Variants in PPP3CA observed in about 807,000 individuals in gnomAD.
PPP3CA encodes CAM-PRP catalytic subunit.
In PPP3CA, 14 loss-of-function variants were observed where a neutral mutation model predicts 66.5. The observed-to-expected ratio is 0.21, with a 90% CI of 0.14 to 0.33. The LOEUF is 0.33. Among genes scored for constraint, PPP3CA ranks in the 10% least tolerant of loss-of-function variants. PPP3CA has a pLI of 1.00. For synonymous variants in PPP3CA, 232 were observed against 226.2 expected, an observed-to-expected ratio of 1.03 and a Z score of -0.23; for missense variants, 317 against 639.5, an observed-to-expected ratio of 0.50 and a Z score of 5.44.
At chr4:101,172,709 C>A (rs1287673506) in intron 2 of PPP3CA, among the ~76,000 whole-genome samples, 1 of 152,074 alleles carries the variant, frequency 6.6e-6, no homozygotes, top group East Asian at 1.9e-4. Context: ...CAGAGGGAAG[C>A]TGAATCTAGT....
intron 3 of PPP3CA, among the ~76,000 whole-genome samples, chr4:101,106,428 A>AG (rs1235456958): frequency 3.0e-4 from 4 of 13,212 alleles, no homozygotes; most frequent in Admixed American, 1.1e-3. Context: ...AAAGAAAGAA[A>AG]GAAAGAAAGA....
chr4:101,278,132 A>AAAAAT (rs1553937782), intron 1 of PPP3CA, among the ~76,000 whole-genome samples: 3 of 143,440 alleles, frequency 2.1e-5, no homozygotes, highest in African/African-American at 8.9e-5. Flanking sequence ...TAAAAAAAAA[A>AAAAAT]AAAAAAATAA....
intron 1 of PPP3CA, among the ~76,000 whole-genome samples, chr4:101,260,048 C>A (rs1039782836): frequency 2.6e-5 from 4 of 152,106 alleles, no homozygotes; most frequent in Non-Finnish European, 5.9e-5. Context: ...AGCAAGGTGA[C>A]CAGTTTAGAA....
chr4:101,279,671 T>G (rs1320739563), intron 1 of PPP3CA, among the ~76,000 whole-genome samples: 1 of 152,178 alleles, frequency 6.6e-6, no homozygotes, highest in African/African-American at 2.4e-5. Flanking sequence ...GCTGAGCCAA[T>G]GACATCACCA....
chr4:101,260,980 C>T (rs1042423977), intron 1 of PPP3CA, among the ~76,000 whole-genome samples: 1 of 152,058 alleles, frequency 6.6e-6, no homozygotes, highest in African/African-American at 2.4e-5. Flanking sequence ...ATCATTTTCA[C>T]AGAGAAAGCA....
intron 1 of PPP3CA, among the ~76,000 whole-genome samples, chr4:101,308,253 T>G (rs1728608092): frequency 6.6e-6 from 1 of 152,204 alleles, no homozygotes; most frequent in African/African-American, 2.4e-5. Flanking sequence ...TACAATGGAA[T>G]TTTAAAAAAT....
chr4:101,173,160 G>T (rs1723939454), intron 2 of PPP3CA, among the ~76,000 whole-genome samples: 1 of 152,136 alleles, frequency 6.6e-6, no homozygotes. Flanking sequence ...ACTGACAGTG[G>T]CTTTTAGGGA....
intron 2 of PPP3CA, among the ~76,000 whole-genome samples, chr4:101,153,584 G>A (rs1206624725): frequency 6.6e-6 from 1 of 152,298 alleles, no homozygotes; most frequent in African/African-American, 2.4e-5. Flanking sequence ...AACAAAGAGG[G>A]TGTCAAAATA....
chr4:101,264,552 G>A (rs913785942), intron 1 of PPP3CA, among the ~76,000 whole-genome samples: 5 of 152,170 alleles, frequency 3.3e-5, no homozygotes, highest in African/African-American at 1.2e-4. Flanking sequence ...AGACCAGCAA[G>A]CAATTACTAT....
intron 1 of PPP3CA, among the ~76,000 whole-genome samples, chr4:101,236,543 C>T (rs1726137365): frequency 1.3e-5 from 2 of 151,926 alleles, no homozygotes; most frequent in African/African-American, 4.8e-5. Context: ...TCTCTCTATG[C>T]TGTGTGGACA....
intron 6 of PPP3CA, among the ~76,000 whole-genome samples, chr4:101,092,899 T>C (rs975551282): frequency 1.3e-5 from 2 of 152,148 alleles, no homozygotes; most frequent in Non-Finnish European, 2.9e-5. Flanking sequence ...CTATTGTAAA[T>C]AGTGCTGCAA....
At chr4:101,112,117 G>A (rs1721693653) in intron 2 of PPP3CA, among the ~76,000 whole-genome samples, 1 of 151,962 alleles carries the variant, frequency 6.6e-6, no homozygotes, top group Non-Finnish European at 1.5e-5. Flanking sequence ...AATTTAGGTT[G>A]TAAACTGCGG....
Position 101,135,483 on chromosome 4 carries a change from C to T in PPP3CA, c.260-26405G>A, listed in dbSNP as rs56891055. Reference sequence around the variant, plus strand: ...TTGAAACACTGTTTTATAAGAAAAACGGAGGCTACCTGGTCTAAAAAACAG... The same window carrying T: ...TTGAAACACTGTTTTATAAGAAAAATGGAGGCTACCTGGTCTAAAAAACAG... On this transcript the variant is annotated intron_variant, in intron 2 of 13. Transcript: ENST00000394854. 4.4e-3 allele frequency among the ~76,000 whole-genome samples: 676 copies of T among 152,196 alleles called. 9 individuals are homozygous for T. The highest frequency in any genetic ancestry group is 0.016 in the African/African-American group (658 of 41,536).
At chr4:101,243,628 C>A (rs1045711510) in intron 1 of PPP3CA, among the ~76,000 whole-genome samples, 1 of 152,038 alleles carries the variant, frequency 6.6e-6, no homozygotes. Flanking sequence ...ACAAGGATAT[C>A]CACAGGTTAC....
chr4:101,033,106 ATTG>A (rs1247050284), intron 11 of PPP3CA, among the ~76,000 whole-genome samples: 1 of 152,152 alleles, frequency 6.6e-6, no homozygotes, highest in Admixed American at 6.5e-5. Context: ...ATCATTTTGA[ATTG>A]TTAAATCCTC....
Position 101,029,188 on chromosome 4 carries a change from A to G in PPP3CA, c.1347T>C (p.Val449=). The change falls in exon 13 of 14, where the codon GTT becomes GTC. Residue 449 remains valine, a synonymous_variant. Coordinates refer to ENST00000394854, the MANE Select transcript of PPP3CA (RefSeq NM_000944.5). ...TACCTTCATCAGCCTCAATAGCCTCAACAGTAGCTGAAGAGAAGAAAGGGG... is the reference window on the plus strand; with the variant it reads ...TACCTTCATCAGCCTCAATAGCCTCGACAGTAGCTGAAGAGAAGAAAGGGG... ...GGKQTLQSAT[V]EAIEADEAIK... 6.2e-7 allele frequency: 1 copy of G among 1,608,524 alleles called. No individual in the cohort carries two copies. Among genetic ancestry groups the G allele is most frequent in the Non-Finnish European group, 8.5e-7 (1 of 1,175,176 alleles).
intron 2 of PPP3CA, among the ~76,000 whole-genome samples, chr4:101,157,625 AAGG>A (rs1723365141): frequency 1.3e-5 from 2 of 152,148 alleles, no homozygotes; most frequent in South Asian, 4.1e-4. Flanking sequence ...AAAGTTCTTA[AAGG>A]CTGATGATGC....
At chr4:101,254,240 A>C (rs1365055150) in intron 1 of PPP3CA, among the ~76,000 whole-genome samples, 2 of 151,970 alleles carry the variant, frequency 1.3e-5, no homozygotes, top group African/African-American at 4.8e-5. Context: ...GGGTCCACTA[A>C]TGATCTCTGC....
In PPP3CA at chr4:101,103,825, C is replaced by T. The variant is rs114673669; in HGVS notation, c.385-4103G>A. On this transcript the variant is annotated intron_variant, in intron 3 of 13. Coordinates refer to ENST00000394854, the MANE Select transcript of PPP3CA (RefSeq NM_000944.5). ...GTTTTTCCTTGTGTTCTCAGAGAAACACACTCAGCCACAGACCTATATATA... is the reference window on the plus strand; with the variant it reads ...GTTTTTCCTTGTGTTCTCAGAGAAATACACTCAGCCACAGACCTATATATA... 4.1e-3 allele frequency among the ~76,000 whole-genome samples: 627 copies of T among 152,264 alleles called. 4 individuals are homozygous for T. Among genetic ancestry groups the T allele is most frequent in the African/African-American group, 0.014 (588 of 41,552 alleles).
Sources: gnomAD v4.1 joint callset for allele counts (sites outside exome capture counted in the v4.1 genomes callset) on GRCh38, gnomAD v4.1.1 for gene constraint, MANE v1.5 for transcripts, NCBI Gene and HGNC (gene_info 2026-07-23, HGNC 2026-07-21) for gene names.